Variants in CDH13 observed in about 807,000 individuals in gnomAD.
The protein encoded by CDH13 is cadherin 13, also known as cadherin-13.
In CDH13, 24 loss-of-function variants were observed where a neutral mutation model predicts 63.8. The observed-to-expected ratio is 0.38, with a 90% CI of 0.27 to 0.53. The LOEUF is 0.53. Among genes scored for constraint, CDH13 ranks in the 20% least tolerant of loss-of-function variants. The pLI is 0.85. For synonymous variants in CDH13, 503 were observed against 355.3 expected, an observed-to-expected ratio of 1.42 and a Z score of -4.67; for missense variants, 1,049 against 903.1, an observed-to-expected ratio of 1.16 and a Z score of -2.07.
intron 1 of CDH13, among the ~76,000 whole-genome samples, chr16:82,817,332 G>T (rs866409124): frequency 6.6e-6 from 1 of 152,048 alleles, no homozygotes; most frequent in Non-Finnish European, 1.5e-5. Context: ...AGCTCAGCGT[G>T]CTCACTGTCT....
intron 2 of CDH13, among the ~76,000 whole-genome samples, chr16:82,893,226 C>G (rs1021839005): frequency 2.6e-5 from 4 of 152,156 alleles, no homozygotes; most frequent in Non-Finnish European, 5.9e-5. Flanking sequence ...TTTTTAATAC[C>G]TTATAAAATC....
chr16:83,743,858 A>C (rs1214672511), intron 10 of CDH13, among the ~76,000 whole-genome samples: 1 of 144,664 alleles, frequency 6.9e-6, no homozygotes, highest in Non-Finnish European at 1.5e-5. Context: ...CAGGCACTCT[A>C]CTCGGCCCTG....
chr16:82,918,958 A>G (rs967869172), intron 2 of CDH13, among the ~76,000 whole-genome samples: 4 of 152,214 alleles, frequency 2.6e-5, no homozygotes, highest in South Asian at 4.1e-4. Flanking sequence ...ATTTTTAAAA[A>G]TTAATGTGGC....
At chr16:82,965,230 C>T (rs988164643) in intron 2 of CDH13, among the ~76,000 whole-genome samples, 1 of 152,168 alleles carries the variant, frequency 6.6e-6, no homozygotes, top group Admixed American at 6.5e-5. Flanking sequence ...TGTCTTTTTA[C>T]TAATACTTTG....
chr16:82,687,670 A>G (rs1430906722), intron 1 of CDH13, among the ~76,000 whole-genome samples: 5 of 152,042 alleles, frequency 3.3e-5, no homozygotes, highest in Admixed American at 1.3e-4. Flanking sequence ...CTCCCATGAC[A>G]TGTGGGGATT....
At chr16:83,336,319 G>C (rs376373444) in intron 5 of CDH13, among the ~76,000 whole-genome samples, 2 of 110,684 alleles carry the variant, frequency 1.8e-5, no homozygotes, top group East Asian at 2.7e-4. Context: ...AAAAAAAAAA[G>C]AAATTTGGAA....
chr16:83,109,258 G>T (rs1488270295), intron 3 of CDH13, among the ~76,000 whole-genome samples: 1 of 152,170 alleles, frequency 6.6e-6, no homozygotes, highest in Non-Finnish European at 1.5e-5. Context: ...TTCCCAGGTG[G>T]AATCTGTAGG....
At chr16:82,635,949 C>G (rs1908603619) in intron 1 of CDH13, among the ~76,000 whole-genome samples, 1 of 152,102 alleles carries the variant, frequency 6.6e-6, no homozygotes, top group Non-Finnish European at 1.5e-5. Flanking sequence ...TTCGCCTTCC[C>G]CTTCTGCCAC....
intron 1 of CDH13, among the ~76,000 whole-genome samples, chr16:82,760,823 T>C (rs2151083241): frequency 6.6e-6 from 1 of 151,654 alleles, no homozygotes; most frequent in East Asian, 1.9e-4. Flanking sequence ...TGTCACATGG[T>C]GAGAGAGAGA....
At chr16:83,634,128 T>G (rs1242720984) in intron 8 of CDH13, among the ~76,000 whole-genome samples, 1 of 97,324 alleles carries the variant, frequency 1.0e-5, no homozygotes. Flanking sequence ...TGTGTGTGTG[T>G]GTGTGTATGT....
chr16:82,867,078 T>G (rs2040176081), intron 2 of CDH13, among the ~76,000 whole-genome samples: 2 of 152,216 alleles, frequency 1.3e-5, no homozygotes, highest in South Asian at 4.1e-4. Context: ...CCTAGTGTGT[T>G]GAGGGCCACC....
intron 1 of CDH13, among the ~76,000 whole-genome samples, chr16:82,685,177 TA>T (rs975675064): frequency 2.0e-5 from 3 of 152,150 alleles, no homozygotes; most frequent in Non-Finnish European, 4.4e-5. Flanking sequence ...AGCTGCTATA[TA>T]AAAAAATACC....
At chr16:83,470,684 C>CT (rs1269272630) in intron 6 of CDH13, among the ~76,000 whole-genome samples, 1 of 152,160 alleles carries the variant, frequency 6.6e-6, no homozygotes, top group African/African-American at 2.4e-5. Flanking sequence ...GCCACCACAA[C>CT]CACAGGCTCA....
chr16:83,475,113 C>G (rs1353799354), intron 6 of CDH13, among the ~76,000 whole-genome samples: 1 of 152,188 alleles, frequency 6.6e-6, no homozygotes, highest in Non-Finnish European at 1.5e-5. Flanking sequence ...CTCAGGGTCC[C>G]TTGTTCAACA....
chr16:83,753,983 T>C (rs2150979350), intron 11 of CDH13, among the ~76,000 whole-genome samples: 1 of 151,804 alleles, frequency 6.6e-6, no homozygotes, highest in East Asian at 1.9e-4. Context: ...TTTCTGATTC[T>C]AGGTGAGAGT....
intron 3 of CDH13, among the ~76,000 whole-genome samples, chr16:83,066,800 T>G (rs553783045): frequency 1.5e-3 from 227 of 152,314 alleles, no homozygotes; most frequent in African/African-American, 5.2e-3. Flanking sequence ...GTCAGCACAT[T>G]TTCTGCTTCT....
At chr16:83,227,061 C>A (rs759107953) in intron 5 of CDH13, among the ~76,000 whole-genome samples, 7 of 152,170 alleles carry the variant, frequency 4.6e-5, no homozygotes, top group African/African-American at 7.2e-5. Flanking sequence ...GTGTTGAAGA[C>A]CCTTGGGTTC....
intron 6 of CDH13, among the ~76,000 whole-genome samples, chr16:83,439,333 G>A (rs776730652): frequency 1.6e-4 from 24 of 152,280 alleles, no homozygotes; most frequent in Middle Eastern, 3.4e-3. Context: ...GAACACATCC[G>A]TAATTAAGAA....
chr16:83,645,619 G>A (rs147757804), intron 8 of CDH13, among the ~76,000 whole-genome samples: 13 of 152,010 alleles, frequency 8.6e-5, no homozygotes, highest in African/African-American at 3.1e-4. Flanking sequence ...CTCAGGTGTG[G>A]CATTACAGAA....
Sources: gnomAD v4.1 joint callset for allele counts (sites outside exome capture counted in the v4.1 genomes callset) on GRCh38, gnomAD v4.1.1 for gene constraint, MANE v1.5 for transcripts, NCBI Gene and HGNC (gene_info 2026-07-23, HGNC 2026-07-21) for gene names.